The following AHNAK variants were observed in gnomAD, a reference collection of about 807,000 sequenced individuals.
The protein encoded by AHNAK is neuroblast differentiation-associated protein AHNAK.
AHNAK carries 23 observed loss-of-function variants against 37.8 expected under a neutral mutation model. The observed-to-expected ratio is 0.61, with a 90% CI of 0.44 to 0.86. AHNAK has a LOEUF of 0.86. Among genes scored for constraint, AHNAK ranks in the 40% least tolerant of loss-of-function variants. The pLI, the probability that AHNAK is intolerant of heterozygous loss-of-function variation, is 0.00. For missense variants in AHNAK, 7,411 were observed against 7,319.4 expected (o/e 1.01, Z -0.46); for synonymous variants, 2,481 against 2,636.3 (o/e 0.94, Z 1.80).
intron 5 of AHNAK, among the ~76,000 whole-genome samples, chr11:62,463,107 G>A (rs1938826900): frequency 7.9e-6 from 1 of 126,106 alleles, no homozygotes. Context: ...CTGGGCGACA[G>A]AGCCAGACTC....
At position 62,525,301 on chromosome 11, in the gene AHNAK, C is replaced by T. The variant is rs756727737; in HGVS notation, c.9116G>A (p.Gly3039Asp). The T allele has an allele frequency of 2.5e-6, 4 of 1,613,052 alleles. No homozygotes were observed. The highest frequency in any genetic ancestry group is 3.4e-6 in the Non-Finnish European group (4 of 1,179,804). ...KFSMPGFKGE[G>D]PDVDVNLPKA... ...GGGCAGGTTCACATCCACATCTGGG[C>T]CCTCTCCTTTGAAGCCAGGCATGCT... Residue 3039 changes from glycine to aspartate, a missense_variant, in exon 5 of 5, where the codon GGC becomes GAC. Transcript: ENST00000378024.
exon 6 of AHNAK, chr11:62,433,750 G>A: frequency 7.7e-7 from 1 of 1,299,432 alleles, no homozygotes; most frequent in Non-Finnish European, 1.1e-6. Flanking sequence ...CCGCCTCGCG[G>A]AAGGTATTCC....
chr11:62,457,122 G>A (rs976466533), intron 5 of AHNAK, among the ~76,000 whole-genome samples: 7 of 152,092 alleles, frequency 4.6e-5, no homozygotes, highest in East Asian at 1.9e-4. Context: ...CCAACATGGC[G>A]AAATCTTCTA....
chr11:62,524,622 T>A lies in AHNAK; in HGVS notation c.9795A>T (p.Pro3265=). The A allele has an allele frequency of 1.2e-6, 2 of 1,614,208 alleles. No homozygotes were observed. The highest frequency in any genetic ancestry group is 1.7e-6 in the Non-Finnish European group (2 of 1,180,032). ...CATCTGGGCCATGAATGTCAATATC[T>A]GGAGCATCTACATCTATCTTTGGGC... ...IKGPKIDVDA[P]DIDIHGPDAK... The change falls in exon 5 of 5, where the codon CCA becomes CCT. Residue 3265 remains proline, a synonymous_variant. Transcript: ENST00000378024.
chr11:62,452,655 G>T lies in AHNAK; in HGVS notation c.443-18764C>A, dbSNP rs533431250. Among the ~76,000 whole-genome samples, 6 of 152,240 alleles carry T rather than the reference G, an allele frequency of 3.9e-5. 1 individual carries two copies. The highest frequency in any genetic ancestry group is 4.1e-4 in the South Asian group (2 of 4,822). On this transcript the variant is annotated intron_variant, in intron 5 of 5. Coordinates refer to the AHNAK transcript ENST00000257247. ...GGATGACCCAGATTGATGACAGCAG[G>T]CATCTTCAGCAACCTCTGCACCCTG...
At chr11:62,436,213 C>T (rs1442730965) in intron 5 of AHNAK, among the ~76,000 whole-genome samples, 1 of 152,160 alleles carries the variant, frequency 6.6e-6, no homozygotes, top group Non-Finnish European at 1.5e-5. Flanking sequence ...AGGGGCTGGG[C>T]TTCCCAATTC....
chr11:62,466,542 A>T (rs1404503000), intron 5 of AHNAK, among the ~76,000 whole-genome samples: 2 of 147,202 alleles, frequency 1.4e-5, no homozygotes, highest in East Asian at 4.0e-4. Flanking sequence ...AAGGCCATTT[A>T]GCCAGCTGTC....
At position 62,524,892 on chromosome 11, in the gene AHNAK, G is replaced by A. The variant is rs1052483620; in HGVS notation, c.9525C>T (p.Pro3175=). 3 of 1,613,558 alleles carry A rather than the reference G, an allele frequency of 1.9e-6. No homozygotes were observed. The highest frequency in any genetic ancestry group is 1.1e-5 in the South Asian group (1 of 91,038). Residue 3175 remains proline, a synonymous_variant, in exon 5 of 5, where the codon CCC becomes CCT. Coordinates refer to ENST00000378024, the MANE Select transcript of AHNAK (RefSeq NM_001620.3). ...GEGPEVDVNL[P]KADLDVSGPK... is the part of the protein sequence containing the mutation. ...GTCCTGAGACGTCAAGGTCAGCCTT[G>A]GGCAGGTTCACGTCCACTTCTGGAC...
intron 5 of AHNAK, among the ~76,000 whole-genome samples, chr11:62,445,673 T>C (rs2134789995): frequency 6.6e-6 from 1 of 152,190 alleles, no homozygotes; most frequent in East Asian, 1.9e-4. Flanking sequence ...GACCCACGAT[T>C]GTACCTCTGC....
In AHNAK at chr11:62,516,965, CG is replaced by C. The variant is rs763562231; in HGVS notation, c.17451del (p.His5817GlnfsTer4). ...CCAAAGGTACCGAATTTCAGCTTCC[CG>C]TGTTTCCCTTTAACTTTCCCACCTT... ...SLEGGKVKGK[H>X]GKLKFGTFGG... On this transcript the variant is annotated frameshift_variant, in exon 5 of 5. Coordinates refer to ENST00000378024, the MANE Select transcript of AHNAK (RefSeq NM_001620.3). LOFTEE classifies it high-confidence loss of function. 6.2e-7 allele frequency: 1 copy of C among 1,614,080 alleles called. No homozygotes were observed. Among genetic ancestry groups the C allele is most frequent in the Non-Finnish European group, 8.5e-7 (1 of 1,180,050 alleles).
chr11:62,481,567 T>A (rs1939274302), intron 5 of AHNAK, among the ~76,000 whole-genome samples: 1 of 151,818 alleles, frequency 6.6e-6, no homozygotes, highest in Admixed American at 6.6e-5. Context: ...ACTCTTTATT[T>A]TTTATTTATT....
Position 62,529,002 on chromosome 11 carries a change from T to A in AHNAK, c.5415A>T (p.Glu1805Asp). ...GCGGCCCTCTGAGATCACCTTCCAG[T>A]TCTGGCACAGAAGCATCTATCTCTC... Reference protein sequence around the residue: ...LKGEIDASVPELEGDLRGPQV... With the variant: ...LKGEIDASVPDLEGDLRGPQV... The change falls in exon 5 of 5, where the codon GAA becomes GAT. Residue 1805 changes from glutamate to aspartate, a missense_variant. By Grantham distance (45) the Glu-to-Asp change is conservative. Transcript: ENST00000378024. 1 of 1,614,140 alleles carries A rather than the reference T, an allele frequency of 6.2e-7. No individual in the cohort carries two copies. The highest frequency in any genetic ancestry group is 8.5e-7 in the Non-Finnish European group (1 of 1,180,026).
At chr11:62,479,197 C>A (rs550403871) in intron 5 of AHNAK, among the ~76,000 whole-genome samples, 14 of 67,304 alleles carry the variant, frequency 2.1e-4, no homozygotes, top group Non-Finnish European at 2.0e-4. Flanking sequence ...TACGGAGTTT[C>A]CCTCTTGTTA....
chr11:62,523,402 G>A lies in AHNAK; in HGVS notation c.11015C>T (p.Ser3672Phe). The A allele has an allele frequency of 6.2e-7, 1 of 1,613,052 alleles. No homozygotes were observed. The highest frequency in any genetic ancestry group is 8.5e-7 in the Non-Finnish European group (1 of 1,179,684). The change falls in exon 5 of 5, where the codon TCC becomes TTC. Residue 3672 changes from serine (S) to phenylalanine (F), a missense_variant. By Grantham distance (155) the Ser-to-Phe change is radical. Transcript: ENST00000378024. Reference sequence around the variant, plus strand: ...CAAGTTCAGGTCAAAGTCAGGCATGGAGATCTTGGGGGCTTTGATGTTCAT... The same window carrying A: ...CAAGTTCAGGTCAAAGTCAGGCATGAAGATCTTGGGGGCTTTGATGTTCAT... ...PEMNIKAPKISMPDFDLNLKG... is the reference protein window; with the variant it reads ...PEMNIKAPKIFMPDFDLNLKG...
chr11:62,476,648 AC>A (rs1189340600), intron 5 of AHNAK, among the ~76,000 whole-genome samples: 4 of 152,280 alleles, frequency 2.6e-5, no homozygotes, highest in African/African-American at 7.2e-5. Flanking sequence ...ACAAAAAAAA[AC>A]ATCATTTTGA....
rs778918206 is a variant in AHNAK, at chr11:62,529,745, G to A, written c.4672C>T (p.Pro1558Ser). 8 of 1,613,964 alleles carry A rather than the reference G, an allele frequency of 5.0e-6. No individual in the cohort carries two copies. The Admixed American group carries it at 5.0e-5, about 10-fold the overall frequency. Residue 1558 changes from proline (P) to serine (S), a missense_variant, in exon 5 of 5, where the codon CCA becomes TCA. Transcript: ENST00000378024. ...TTAGGGCCTTTTAGTTTCCCCTCTGGAGCTTCAAGATTCACATCTGGAACA... is the reference window on the plus strand; with the variant it reads ...TTAGGGCCTTTTAGTTTCCCCTCTGAAGCTTCAAGATTCACATCTGGAACA... ...IDVPDVNLEA[P>S]EGKLKGPKFK...
At chr11:62,494,289 A>G (rs1015366926) in intron 4 of AHNAK, among the ~76,000 whole-genome samples, 4 of 152,116 alleles carry the variant, frequency 2.6e-5, no homozygotes, top group Admixed American at 1.3e-4. Flanking sequence ...TCAGCATGTG[A>G]TGACTCTTCT....
intron 1 of AHNAK, among the ~76,000 whole-genome samples, chr11:62,544,612 G>GC (rs1352848821): frequency 6.6e-6 from 1 of 151,436 alleles, no homozygotes; most frequent in Non-Finnish European, 1.5e-5. Context: ...GCAAAGAGGT[G>GC]CCCCTAACTT....
chr11:62,452,740 G>A (rs1938567214), intron 5 of AHNAK, among the ~76,000 whole-genome samples: 1 of 152,166 alleles, frequency 6.6e-6, no homozygotes. Flanking sequence ...AGGTGTTTCA[G>A]GCCGGGCGCG....
Sources: allele counts gnomAD v4.1 joint callset (sites outside exome capture counted in the v4.1 genomes callset), GRCh38; gene constraint gnomAD v4.1.1; transcripts MANE v1.5; gene names NCBI Gene and HGNC (gene_info 2026-07-23, HGNC 2026-07-21).